GSG1L: variants seen among roughly 807,000 people sequenced by gnomAD.
GSG1L encodes the protein germ cell-specific gene 1-like protein.
Under a neutral mutation model 42.1 loss-of-function variants are expected in GSG1L, and 24 were observed. That is an observed-to-expected ratio of 0.57 (90% CI 0.41 to 0.80). The LOEUF (loss-of-function observed/expected upper bound fraction) is 0.80. Ranked by LOEUF, GSG1L falls within the 30% of genes least tolerant of loss-of-function variation. GSG1L has a pLI of 0.00. For synonymous variants in GSG1L, 215 were observed against 203.5 expected (o/e 1.06, Z -0.48); for missense variants, 445 against 472.2 (o/e 0.94, Z 0.53).
At chr16:28,035,656 A>T (rs143250774) in intron 1 of GSG1L, among the ~76,000 whole-genome samples, 1 of 152,222 alleles carries the variant, frequency 6.6e-6, no homozygotes, top group South Asian at 2.1e-4. Flanking sequence ...CAGCAGCTCA[A>T]GTCATAAATT....
intron 3 of GSG1L, among the ~76,000 whole-genome samples, chr16:27,845,442 C>T (rs2140984138): frequency 6.6e-6 from 1 of 152,236 alleles, no homozygotes; most frequent in African/African-American, 2.4e-5. Context: ...TGCTATGTTG[C>T]TCAGGCTGGT....
chr16:27,979,723 G>GA (rs2085300096), intron 1 of GSG1L, among the ~76,000 whole-genome samples: 3 of 35,938 alleles, frequency 8.3e-5, no homozygotes, highest in Admixed American at 4.1e-4. Flanking sequence ...AGGAAGGAAG[G>GA]AAGGAAAGAA....
chr16:27,906,931 G>T (rs903465820), intron 2 of GSG1L, among the ~76,000 whole-genome samples: 8 of 152,052 alleles, frequency 5.3e-5, no homozygotes, highest in Admixed American at 6.5e-5. Context: ...CCCTGGGCCA[G>T]CCCAGCATCC....
chr16:28,024,025 G>T lies in GSG1L; in HGVS notation c.349+39051C>A, dbSNP rs1190853334. 6.6e-5 allele frequency among the ~76,000 whole-genome samples: 10 copies of T among 152,098 alleles called. 1 individual carries two copies. Among genetic ancestry groups the T allele is most frequent in the Admixed American group, 5.9e-4 (9 of 15,262 alleles). On this transcript the variant is annotated intron_variant, in intron 1 of 6. Coordinates refer to ENST00000447459, the MANE Select transcript of GSG1L (RefSeq NM_001109763.2). ...AGCCTGGATGACAGAATGAGACCCT[G>T]TCTCAAAAAATAAAGAAAAGAAAAA...
chr16:27,883,152 A>C (rs942790823), intron 3 of GSG1L, among the ~76,000 whole-genome samples: 3 of 150,002 alleles, frequency 2.0e-5, no homozygotes, highest in African/African-American at 4.9e-5. Context: ...GAGAGAGAGA[A>C]AGCCTTCATG....
At chr16:27,983,391 T>A (rs1016032767) in intron 1 of GSG1L, among the ~76,000 whole-genome samples, 3 of 152,086 alleles carry the variant, frequency 2.0e-5, no homozygotes, top group African/African-American at 7.2e-5. Context: ...CTACTGTTAC[T>A]CCATTGACAT....
intron 1 of GSG1L, among the ~76,000 whole-genome samples, chr16:28,034,045 C>CT (rs1264606740): frequency 1.3e-5 from 2 of 152,008 alleles, no homozygotes; most frequent in Non-Finnish European, 2.9e-5. Flanking sequence ...GGACTTGAGA[C>CT]TTGGGACTCA....
intron 1 of GSG1L, among the ~76,000 whole-genome samples, chr16:28,009,450 T>A (rs2085688129): frequency 1.3e-5 from 2 of 152,186 alleles, no homozygotes. Flanking sequence ...CATGCATTTG[T>A]GTGTGTGCTC....
intron 3 of GSG1L, among the ~76,000 whole-genome samples, chr16:27,851,854 G>T (rs1032754596): frequency 6.6e-6 from 1 of 152,172 alleles, no homozygotes; most frequent in South Asian, 2.1e-4. Flanking sequence ...TCAATCACTG[G>T]GGAGAGGGGT....
At chr16:27,888,955 G>GATATAGATATAGAT in intron 2 of GSG1L, among the ~76,000 whole-genome samples, 2 of 150,874 alleles carry the variant, frequency 1.3e-5, no homozygotes, top group African/African-American at 2.5e-5. Flanking sequence ...TATAGATATA[G>GATATAGATATAGAT]ATATAGATAT....
At chr16:27,911,234 C>A (rs140855583) in intron 2 of GSG1L, among the ~76,000 whole-genome samples, 5 of 146,156 alleles carry the variant, frequency 3.4e-5, no homozygotes, top group African/African-American at 1.0e-4. Context: ...AATCTGGCCT[C>A]CTTTCTTCTC....
intron 2 of GSG1L, among the ~76,000 whole-genome samples, chr16:27,889,494 A>G (rs1266177687): frequency 3.9e-5 from 6 of 152,162 alleles, no homozygotes; most frequent in African/African-American, 1.2e-4. Flanking sequence ...GTCCCGCCCA[A>G]TCTCCTAGGC....
intron 1 of GSG1L, among the ~76,000 whole-genome samples, chr16:27,963,883 G>C: frequency 6.6e-6 from 1 of 152,174 alleles, no homozygotes; most frequent in South Asian, 2.1e-4. Context: ...TGAGTCTCAG[G>C]TGCAAGTTAG....
rs1025394530 is a variant in GSG1L at position 28,021,749 on chromosome 16, T to C, written c.349+41327A>G. On this transcript the variant is annotated intron_variant, in intron 1 of 6. Transcript: ENST00000447459. ...TGGGTACCTTTCTAACCCTTTTTTT[T>C]CCTAATCATTTACATTCATATTCAT... Among the ~76,000 whole-genome samples, 31 of 152,340 alleles carry C rather than the reference T, an allele frequency of 2.0e-4. 1 individual carries two copies. The highest frequency in any genetic ancestry group is 4.4e-5 in the Non-Finnish European group (3 of 68,028).
intron 4 of GSG1L, among the ~76,000 whole-genome samples, chr16:27,844,533 C>A (rs1403421281): frequency 6.6e-6 from 1 of 152,184 alleles, no homozygotes; most frequent in African/African-American, 2.4e-5. Flanking sequence ...TCACCACCGC[C>A]CAGTGCTGCC....
At chr16:27,810,374 T>C (rs1365937021) in intron 5 of GSG1L, among the ~76,000 whole-genome samples, 1 of 152,066 alleles carries the variant, frequency 6.6e-6, no homozygotes, top group East Asian at 1.9e-4. Flanking sequence ...GGAAGCTGAG[T>C]TGGGAGGATC....
At chr16:28,052,412 T>C (rs1448453630) in intron 1 of GSG1L, among the ~76,000 whole-genome samples, 1 of 152,122 alleles carries the variant, frequency 6.6e-6, no homozygotes, top group Non-Finnish European at 1.5e-5. Flanking sequence ...TACAGATGTG[T>C]GCCACCCTGC....
chr16:28,057,054 C>A (rs1374870460), intron 1 of GSG1L, among the ~76,000 whole-genome samples: 1 of 151,960 alleles, frequency 6.6e-6, no homozygotes, highest in Non-Finnish European at 1.5e-5. Context: ...GTAAGGAGGC[C>A]GGTGTGGCTG....
intron 1 of GSG1L, among the ~76,000 whole-genome samples, chr16:28,055,192 G>A (rs2086266192): frequency 1.3e-5 from 2 of 152,148 alleles, no homozygotes; most frequent in African/African-American, 4.8e-5. Context: ...GTCTCCCTCT[G>A]TTGCCCGGGC....
Sources: gnomAD v4.1 joint callset for allele counts (sites outside exome capture counted in the v4.1 genomes callset) on GRCh38, gnomAD v4.1.1 for gene constraint, MANE v1.5 for transcripts, NCBI Gene and HGNC (gene_info 2026-07-23, HGNC 2026-07-21) for gene names.